Variants in DOCK9 observed in about 807,000 individuals in gnomAD.
The protein encoded by DOCK9 is dedicator of cytokinesis 9, also known as dedicator of cytokinesis protein 9.
In DOCK9, 89 loss-of-function variants were observed where a neutral mutation model predicts 263.3. The ratio of observed to expected loss-of-function variants is 0.34; its 90% CI spans 0.28 to 0.40. The LOEUF is 0.40. DOCK9 is among the 10% of genes least tolerant of loss of function. DOCK9 has a pLI of 1.00. For synonymous variants in DOCK9, 976 were observed against 973.1 expected, an observed-to-expected ratio of 1.00 and a Z score of -0.06; for missense variants, 2,140 against 2,603.4, an observed-to-expected ratio of 0.82 and a Z score of 3.87.
chr13:98,916,352 G>A lies in DOCK9; in HGVS notation c.718-849C>T, dbSNP rs375768493. 1.2e-3 allele frequency among the ~76,000 whole-genome samples: 189 copies of A among 152,292 alleles called. 6 individuals carry two copies. The South Asian group carries it at 0.036, about 29-fold the overall frequency. Reference sequence around the variant, plus strand: ...CCCAGGTTGGCCGCAGTAGACAGAGGTTCAGCTCTGAGGATCATGGCACAA... The same window carrying A: ...CCCAGGTTGGCCGCAGTAGACAGAGATTCAGCTCTGAGGATCATGGCACAA... On this transcript the variant is annotated intron_variant, in intron 7 of 52. Transcript: ENST00000682017.
chr13:99,067,870 CTT>C (rs66506438), intron 1 of DOCK9, among the ~76,000 whole-genome samples: 13 of 142,360 alleles, frequency 9.1e-5, no homozygotes, highest in Admixed American at 2.1e-4. Flanking sequence ...AGGACAGAAG[CTT>C]TTTTTTTTTT....
At chr13:98,950,969 T>G (rs2057344620) in intron 2 of DOCK9, among the ~76,000 whole-genome samples, 1 of 152,196 alleles carries the variant, frequency 6.6e-6, no homozygotes, top group South Asian at 2.1e-4. Flanking sequence ...AAGGCAGGCG[T>G]CCTGGGCTTG....
intron 52 of DOCK9, 125 bp from the exon 53 acceptor site, chr13:98,794,873 C>T: frequency 2.1e-6 from 2 of 968,164 alleles, no homozygotes; most frequent in Non-Finnish European, 3.2e-6. Context: ...GGCAATGTTG[C>T]CACGTGCAAC....
At chr13:98,887,938 C>T (rs2046040011) in intron 18 of DOCK9, among the ~76,000 whole-genome samples, 1 of 151,960 alleles carries the variant, frequency 6.6e-6, no homozygotes, top group Non-Finnish European at 1.5e-5. Flanking sequence ...AACTCTGATC[C>T]TTAAAAAGAA....
At chr13:98,912,564 A>G (rs2050228493) in intron 9 of DOCK9, among the ~76,000 whole-genome samples, 1 of 152,034 alleles carries the variant, frequency 6.6e-6, no homozygotes, top group African/African-American at 2.4e-5. Context: ...CAAAATATAC[A>G]ATTATACTTA....
At chr13:98,812,054 T>C (rs1349203082) in intron 45 of DOCK9, among the ~76,000 whole-genome samples, 9 of 151,982 alleles carry the variant, frequency 5.9e-5, no homozygotes. Context: ...TGATCATAAG[T>C]GTGTGGGTCC....
chr13:99,065,821 ATC>A (rs1330016821), intron 1 of DOCK9, among the ~76,000 whole-genome samples: 4 of 152,210 alleles, frequency 2.6e-5, no homozygotes, highest in African/African-American at 9.6e-5. Context: ...ATGGGACAGG[ATC>A]TGTCTCACTC....
At chr13:99,029,883 A>T (rs1373608837) in intron 1 of DOCK9, among the ~76,000 whole-genome samples, 2 of 152,236 alleles carry the variant, frequency 1.3e-5, no homozygotes, top group East Asian at 3.8e-4. Flanking sequence ...AAACAAACCA[A>T]ATGTCTATCA....
chr13:98,916,218 G>T (rs1403299917), intron 7 of DOCK9, among the ~76,000 whole-genome samples: 1 of 152,220 alleles, frequency 6.6e-6, no homozygotes, highest in Non-Finnish European at 1.5e-5. Flanking sequence ...ATTCTTTGTT[G>T]TGAGTGGCTG....
intron 1 of DOCK9, among the ~76,000 whole-genome samples, chr13:99,083,837 C>G (rs960464516): frequency 1.3e-5 from 2 of 152,206 alleles, no homozygotes; most frequent in Admixed American, 1.3e-4. Flanking sequence ...ACCATCCACT[C>G]ATCAATACTT....
At position 98,902,256 on chromosome 13, in the gene DOCK9, A is replaced by G. The variant is rs781176699; in HGVS notation, c.1380+32T>C. 17 of 1,608,060 alleles carry G rather than the reference A, an allele frequency of 1.1e-5. 1 individual carries two copies. In the Middle Eastern group the frequency reaches 1.5e-3, roughly 142 times the overall value. ...TTAGGTAGCATGCAAAGTGAGTCTG[A>G]GTAGTGGGAATGCTGGGCTCATACT... On this transcript the variant is annotated intron_variant, in intron 12 of 52. Transcript: ENST00000682017.
intron 2 of DOCK9, among the ~76,000 whole-genome samples, chr13:98,938,669 A>T (rs189457446): frequency 1.3e-3 from 196 of 151,910 alleles, no homozygotes; most frequent in African/African-American, 4.4e-3. Context: ...ATTAACAAAG[A>T]TTTCTATTAT....
chr13:99,051,404 G>A (rs571417116), intron 1 of DOCK9, among the ~76,000 whole-genome samples: 3 of 152,158 alleles, frequency 2.0e-5, no homozygotes, highest in Admixed American at 6.5e-5. Context: ...CTTCTTCACC[G>A]AGGGCTTGGG....
intron 2 of DOCK9, among the ~76,000 whole-genome samples, chr13:98,946,100 C>T (rs193167864): frequency 3.3e-5 from 5 of 152,222 alleles, no homozygotes; most frequent in East Asian, 1.9e-4. Context: ...GTGAGAGAGG[C>T]GGGCTGGGAG....
chr13:98,843,319 C>T (rs2093285410), intron 38 of DOCK9, among the ~76,000 whole-genome samples: 1 of 151,750 alleles, frequency 6.6e-6, no homozygotes, highest in Admixed American at 6.6e-5. Context: ...CATAAATTTC[C>T]CAAAAAATAC....
rs1875716530 is a variant in DOCK9, at chr13:98,978,048, C to T, written c.-139G>A. 2 of 1,444,286 alleles carry T rather than the reference C, an allele frequency of 1.4e-6. No homozygotes were observed. Among genetic ancestry groups the T allele is most frequent in the Non-Finnish European group, 1.8e-6 (2 of 1,103,294 alleles). The allele number at this position is 1,444,286 out of a possible 1,614,324, so 89.5% of individuals were successfully genotyped here. On this transcript the variant is annotated 5_prime_UTR_variant, in exon 1 of 53. Coordinates refer to ENST00000682017, the MANE Select transcript of DOCK9 (RefSeq NM_001366683.2). ...AGGCACAAGTGGTCAGCCCCGCTGG[C>T]TGGGTCTGCAGAGCCTGTGGGGTGG...
At position 99,006,342 on chromosome 13, in the gene DOCK9, A is replaced by T. The variant is rs145626611; in HGVS notation, c.130-50791T>A. ...GGCCTTTAAAAAATTCATTCTTCGC[A>T]AGTTCACTTTTATAAATCTAGCCTA... On this transcript the variant is annotated intron_variant, in intron 1 of 32. Transcript: ENST00000427887. Among the ~76,000 whole-genome samples the T allele has an allele frequency of 4.5e-3, 690 of 152,342 alleles. 4 individuals are homozygous for T. The highest frequency in any genetic ancestry group is 0.037 in the Middle Eastern group (11 of 294).
chr13:98,821,404 G>A (rs1364367823), intron 45 of DOCK9, among the ~76,000 whole-genome samples: 2 of 152,146 alleles, frequency 1.3e-5, no homozygotes, highest in Non-Finnish European at 2.9e-5. Flanking sequence ...AAGGGGTGAC[G>A]CCCAGCTGCT....
chr13:98,817,237 TTTTG>T (rs984351529), intron 45 of DOCK9, among the ~76,000 whole-genome samples: 72 of 152,168 alleles, frequency 4.7e-4, no homozygotes, highest in Non-Finnish European at 8.7e-4. Context: ...GATTGGGGTT[TTTTG>T]TTTGTTTGTT....
Sources: gnomAD v4.1 joint callset for allele counts (sites outside exome capture counted in the v4.1 genomes callset) on GRCh38, gnomAD v4.1.1 for gene constraint, MANE v1.5 for transcripts, NCBI Gene and HGNC (gene_info 2026-07-23, HGNC 2026-07-21) for gene names.